Variants in TTN observed in about 807,000 individuals in gnomAD.
TTN encodes titin.
Under a neutral mutation model 3,223.0 loss-of-function variants are expected in TTN, and 1,525 were observed. The observed-to-expected ratio is 0.47, with a 90% CI of 0.45 to 0.49. The LOEUF (loss-of-function observed/expected upper bound fraction) is 0.49. TTN is among the 20% of genes least tolerant of loss of function. The probability of loss-of-function intolerance (pLI) is 0.00; values close to 1 mark genes in which losing one functional copy is unlikely to be tolerated. For missense variants in TTN, 40,786 were observed against 43,424.0 expected (o/e 0.94, Z 5.40); for synonymous variants, 14,094 against 15,161.0 (o/e 0.93, Z 5.17).
At chr2:178,779,551 G>A in intron 22 of TTN, 89 bp from the exon 23 acceptor site, 9 of 892,090 alleles carry the variant, frequency 1.0e-5, no homozygotes, top group Non-Finnish European at 1.7e-6. Context: ...GACTGTTGAA[G>A]TTTTTAGCTG....
In TTN at chr2:178,717,243, G is replaced by A. The variant is rs1577937623; in HGVS notation, c.25491C>T (p.Arg8497=). 6.2e-7 allele frequency: 1 copy of A among 1,613,714 alleles called. No individual in the cohort carries two copies. The highest frequency in any genetic ancestry group is 8.5e-7 in the Non-Finnish European group (1 of 1,179,688). ...AAGTCATCTTGTAGTTGCCTCCAGG[G>A]CGAATCTCTCGGTTATCTTTGGCCC... ...ITWAKDNREI[R]PGGNYKMTLV... The change falls in exon 88 of 363, where the codon CGC becomes CGT. Residue 8497 remains arginine (R), a synonymous_variant. Transcript: ENST00000589042.
At chr2:178,603,670 TTATG>T (rs1463942230) in intron 282 of TTN, among the ~76,000 whole-genome samples, 1 of 152,012 alleles carries the variant, frequency 6.6e-6, no homozygotes, top group Non-Finnish European at 1.5e-5. Context: ...CTGTATGATT[TTATG>T]TATGTGTGTA....
Position 178,530,493 on chromosome 2 carries a change from A to G in TTN, c.106122T>C (p.Phe35374=). 6.2e-7 allele frequency: 1 copy of G among 1,613,950 alleles called. No individual in the cohort carries two copies. Among genetic ancestry groups the G allele is most frequent in the African/African-American group, 1.3e-5 (1 of 75,022 alleles). The part of the protein sequence containing the change: ...EGGTSKTNLQ[F]MGQAFKSIHE... The stretch of plus-strand genomic sequence containing the variant: ...GGATACTCTTAAAGGCTTGCCCCAT[A>G]AATTGTAAGTTGGTTTTAGACGTTC... Residue 35374 remains phenylalanine (F), a synonymous_variant, in exon 358 of 363, where the codon TTT becomes TTC. Transcript: ENST00000589042.
Position 178,599,228 on chromosome 2 carries a change from A to G in TTN, c.56565T>C (p.Tyr18855=). 1 of 1,539,800 alleles carries G rather than the reference A, an allele frequency of 6.5e-7. No individual in the cohort carries two copies. Among genetic ancestry groups the G allele is most frequent in the Non-Finnish European group, 8.7e-7 (1 of 1,148,134 alleles). ...TIPKLLEGHE[Y]VFRIMAQNKY... is the part of the protein sequence containing the mutation. ...TATTCTGGGCCATGATTCGGAATACATATTCATGGCCTTCTAGCAATTTGG... is the reference window on the plus strand; with the variant it reads ...TATTCTGGGCCATGATTCGGAATACGTATTCATGGCCTTCTAGCAATTTGG... Residue 18855 remains tyrosine (Y), a synonymous_variant, in exon 290 of 363, where the codon TAT becomes TAC. Transcript: ENST00000589042.
In TTN at chr2:178,580,595, C is replaced by T. The variant is rs1207166872; in HGVS notation, c.66784G>A (p.Glu22262Lys). Residue 22262 changes from glutamate to lysine, a missense_variant, in exon 317 of 363, where the codon GAA (glutamate) becomes AAA (lysine). Physicochemically the swap from Glu to Lys is moderately conservative, Grantham distance 56 (BLOSUM62 1). Coordinates refer to ENST00000589042, the MANE Select transcript of TTN (RefSeq NM_001267550.2). ...GTCTTCCTTAAGTCCGCATCAAGTT[C>T]TCCCTCAGGTGGAACTGTTTAATTT... ...PKDILIPPEG[E>K]LDADLRKTLI... 6.2e-7 allele frequency: 1 copy of T among 1,610,218 alleles called. No homozygotes were observed.
In TTN at chr2:178,540,198, C is replaced by G; in HGVS notation, c.97968G>C (p.Lys32656Asn). Residue 32656 changes from lysine to asparagine, a missense_variant, in exon 351 of 363, where the codon AAG becomes AAC. Physicochemically the swap from Lys to Asn is moderately conservative, Grantham distance 94. Coordinates refer to ENST00000589042, the MANE Select transcript of TTN (RefSeq NM_001267550.2). ...GGTGTGTTAGAGTATACTCTCGAAT[C>G]TTGGTTGGAGTGGTGTTACACTTGG... ...EWTKCNTTPTKIREYTLTHLP... is the reference protein window; with the variant it reads ...EWTKCNTTPTNIREYTLTHLP... 6.2e-7 allele frequency: 1 copy of G among 1,613,820 alleles called. No homozygotes were observed. The highest frequency in any genetic ancestry group is 8.5e-7 in the Non-Finnish European group (1 of 1,179,786).
chr2:178,558,978 CAT>C, intron 326 of TTN: 3 of 350,010 alleles, frequency 8.6e-6, no homozygotes, highest in Non-Finnish European at 1.0e-5. Context: ...CACATACACA[CAT>C]ATGATATATG....
At chr2:178,694,561 A>G (rs1366001294) in intron 117 of TTN, 38 bp downstream of exon 117, 5 of 1,509,332 alleles carry the variant, frequency 3.3e-6, no homozygotes, top group Admixed American at 2.1e-5. Flanking sequence ...ATAAATAAAA[A>G]AATTTTGAAC....
At chr2:178,746,513 A>C in intron 47 of TTN, 1 of 1,613,124 alleles carries the variant, frequency 6.2e-7, no homozygotes, top group South Asian at 1.1e-5. Context: ...GGTGTGTTCC[A>C]AATCAAACTC....
Position 178,537,867 on chromosome 2 carries a change from ATTTT to A in TTN, c.99336_99339del (p.Lys33113TrpfsTer47). 1 of 1,613,360 alleles carries A rather than the reference ATTTT, an allele frequency of 6.2e-7. No individual in the cohort carries two copies. The highest frequency in any genetic ancestry group is 8.5e-7 in the Non-Finnish European group (1 of 1,179,522). ...CATGAGAGTTGAGCAGCTTCACCCA[ATTTT>A]GTGGTAACATCCTTCATTTCTTTGC... is the stretch of plus-strand genomic sequence containing the variant. On this transcript the variant is annotated frameshift_variant, in exon 355 of 363. Coordinates refer to ENST00000589042, the MANE Select transcript of TTN (RefSeq NM_001267550.2). LOFTEE classifies it high-confidence loss of function.
chr2:178,634,820 T>C lies in TTN; in HGVS notation c.42054A>G (p.Lys14018=). 1.9e-6 allele frequency: 3 copies of C among 1,611,696 alleles called. No homozygotes were observed. The highest frequency in any genetic ancestry group is 2.5e-6 in the Non-Finnish European group (3 of 1,179,088). Residue 14018 remains lysine (K), a synonymous_variant, in exon 229 of 363, where the codon AAA becomes AAG. Transcript: ENST00000589042. This position sits in a 1 kb window ranked among gnomAD's most constrained non-coding sequence, Gnocchi z 4.6. ...TGACTTTGTGCAAAGTTAAGAAGCG[T>C]TTTCCACCTTCTGCTTTGATTTCAC... ...PTCEIKAEGG[K]RFLTLHKVKL...
rs1469567732 is a variant in TTN at position 178,730,636 on chromosome 2, T to G, written c.17897A>C (p.Lys5966Thr). 2.5e-6 allele frequency: 4 copies of G among 1,613,668 alleles called. No individual in the cohort carries two copies. The highest frequency in any genetic ancestry group is 1.7e-5 in the Admixed American group (1 of 59,996). The change falls in exon 61 of 363, where the codon AAA becomes ACA. Residue 5966 changes from lysine to threonine, a missense_variant. Lys to Thr is a moderately conservative substitution (Grantham distance 78). Coordinates refer to ENST00000589042, the MANE Select transcript of TTN (RefSeq NM_001267550.2). ...GGCAGTATTGTCATGAAAAGAGAAT[T>G]TGTACTTTTCACTAGCTGATATTTC... Reference protein sequence around the residue: ...DQEISASEKYKFSFHDNTAFL... With the variant: ...DQEISASEKYTFSFHDNTAFL...
intron 7 of TTN, 55 bp downstream of exon 7, chr2:178,794,867 C>A: frequency 6.3e-7 from 1 of 1,583,582 alleles, no homozygotes; most frequent in East Asian, 2.2e-5. Context: ...GGCAGAAATC[C>A]AGTTGGAGAA....
intron 257 of TTN, 49 bp from the exon 258 acceptor site, chr2:178,615,837 G>A (rs534359840): frequency 1.3e-5 from 20 of 1,554,970 alleles, no homozygotes; most frequent in African/African-American, 5.5e-5. Flanking sequence ...AAACCCTTTC[G>A]CCAACCCAAA....
At chr2:178,646,461 AT>A (rs748771693) in intron 216 of TTN, 23 bp downstream of exon 216, 8 of 1,489,492 alleles carry the variant, frequency 5.4e-6, no homozygotes, top group Non-Finnish European at 5.5e-6. Context: ...GATAAAGAAG[AT>A]TTAAGTCCAC....
At chr2:178,592,751 C>T in intron 300 of TTN, 24 bp downstream of exon 300, 1 of 1,612,796 alleles carries the variant, frequency 6.2e-7, no homozygotes. Context: ...TCCTTGCAAA[C>T]ACAAGTGAGA....
In TTN at chr2:178,777,989, AC is replaced by A; in HGVS notation, c.4209-15del. Reference sequence around the variant, plus strand: ...GGAGAGAGAGATCTGCAAAACAAAGACACACAATACTTTCGTGAGGCATAAA... The same window carrying A: ...GGAGAGAGAGATCTGCAAAACAAAGAACACAATACTTTCGTGAGGCATAAA... On this transcript the variant is annotated splice_polypyrimidine_tract_variant and intron_variant, in intron 24 of 362. Transcript: ENST00000589042. 1 of 1,612,568 alleles carries A rather than the reference AC, an allele frequency of 6.2e-7. No individual in the cohort carries two copies. The highest frequency in any genetic ancestry group is 8.5e-7 in the Non-Finnish European group (1 of 1,179,418).
rs766283033 is a variant in TTN, at chr2:178,568,445, C to A, written c.77687G>T (p.Gly25896Val). The A allele has an allele frequency of 4.3e-6, 7 of 1,613,230 alleles. No homozygotes were observed. The East Asian group carries it at 1.3e-4, about 31-fold the overall frequency. ...ACTGACGTCATCAAATTTAACAGGT[C>A]CTTTTGGAGGATCAGGTTTATCTAG... ...VTLDKPDPPK[G>V]PVKFDDVSAE... The change falls in exon 326 of 363, where the codon GGA becomes GTA. Residue 25896 changes from glycine to valine, a missense_variant. Coordinates refer to ENST00000589042, the MANE Select transcript of TTN (RefSeq NM_001267550.2).
At position 178,725,840 on chromosome 2, in the gene TTN, T is replaced by C. The variant is rs1432785096; in HGVS notation, c.20482A>G (p.Ile6828Val). 3.1e-6 allele frequency: 5 copies of C among 1,613,164 alleles called. No individual in the cohort carries two copies. Among genetic ancestry groups the C allele is most frequent in the African/African-American group, 2.7e-5 (2 of 74,886 alleles). Residue 6828 changes from isoleucine (I) to valine (V), a missense_variant, in exon 70 of 363, where the codon ATC becomes GTC. Ile to Val is a conservative substitution (Grantham distance 29). Transcript: ENST00000589042. ...IHILNVDTSD[I>V]GEYHCKAQNE... ...TGTGCTTTGCAGTGGTATTCACCGATGTCTGAAGTGTCCACATTGAGAATG... is the reference window on the plus strand; with the variant it reads ...TGTGCTTTGCAGTGGTATTCACCGACGTCTGAAGTGTCCACATTGAGAATG...
Sources: gnomAD v4.1 joint callset for allele counts (sites outside exome capture counted in the v4.1 genomes callset) on GRCh38, gnomAD v4.1.1 for gene constraint, Gnocchi (gnomAD v3.1) non-coding constraint, MANE v1.5 for transcripts, NCBI Gene and HGNC (gene_info 2026-07-23, HGNC 2026-07-21) for gene names.